Variants in DHX8 observed in about 807,000 individuals in gnomAD.
The protein encoded by DHX8 is ATP-dependent RNA helicase DHX8.
Under a neutral mutation model 140.7 loss-of-function variants are expected in DHX8, and 67 were observed. That is an observed-to-expected ratio of 0.48 (90% CI 0.39 to 0.58). The LOEUF (loss-of-function observed/expected upper bound fraction) is 0.58, where lower values mean the gene tolerates loss of function less well. Among genes scored for constraint, DHX8 ranks in the 20% least tolerant of loss-of-function variants. DHX8 has a pLI of 0.00. For synonymous variants in DHX8, 533 were observed against 553.2 expected, an observed-to-expected ratio of 0.96 and a Z score of 0.51; for missense variants, 887 against 1,550.7, an observed-to-expected ratio of 0.57 and a Z score of 7.19.
downstream of DHX8, chr17:43,529,167 GGAGCGAGC>G (rs1567705436): frequency 6.2e-7 from 1 of 1,613,806 alleles, no homozygotes; most frequent in Admixed American, 1.7e-5. Context: ...TAATAGTATC[GGAGCGAGC>G]GGCTCAGCTT....
chr17:43,508,231 T>C (rs1200135301), intron 15 of DHX8, 108 bp from the exon 16 acceptor site: 17 of 1,419,640 alleles, frequency 1.2e-5, no homozygotes, highest in Non-Finnish European at 1.3e-5. Context: ...GGTCAGAATA[T>C]GAATGCATAT....
At chr17:43,518,377 A>C (rs1313589308) in intron 18 of DHX8, 1 of 152,154 alleles carries the variant, frequency 6.6e-6, no homozygotes, top group Admixed American at 6.5e-5. Context: ...AATGTATTGA[A>C]CACATGCTAC....
chr17:43,530,959 G>C (rs1970898720), downstream of DHX8, among the ~76,000 whole-genome samples: 1 of 152,108 alleles, frequency 6.6e-6, no homozygotes, highest in Non-Finnish European at 1.5e-5. Flanking sequence ...GAGTAGCTGG[G>C]GGGAGGGGCA....
At chr17:43,517,455 C>A in intron 18 of DHX8, 133 bp downstream of exon 18, 2 of 1,066,878 alleles carry the variant, frequency 1.9e-6, no homozygotes, top group East Asian at 2.8e-5. Flanking sequence ...GAGTGAAATG[C>A]AAATGGCTGT....
intron 9 of DHX8, among the ~76,000 whole-genome samples, chr17:43,497,596 AG>A (rs1342083809): frequency 6.6e-6 from 1 of 152,088 alleles, no homozygotes; most frequent in Non-Finnish European, 1.5e-5. Flanking sequence ...TCTTTACAAA[AG>A]AAAAAAAATT....
rs1567698294 is a variant in DHX8 at position 43,520,617 on chromosome 17, A to T, written c.2938-134A>T. The T allele has an allele frequency of 7.9e-6, 8 of 1,017,438 alleles. No homozygotes were observed. The South Asian group carries it at 1.2e-4, about 15-fold the overall frequency. The allele number at this position is 1,017,438 out of a possible 1,614,324, so 63.0% of individuals were successfully genotyped here. ...ATAAACAACAGCATTCTTCTGATAG[A>T]GAAAGGCATCCCAAGGCATCATTAT... On this transcript the variant is annotated intron_variant, in intron 19 of 22. Transcript: ENST00000262415.
chr17:43,489,194 G>A (rs552780034), intron 1 of DHX8, among the ~76,000 whole-genome samples: 112 of 152,046 alleles, frequency 7.4e-4, no homozygotes, highest in African/African-American at 2.4e-3. Context: ...TAATAGAGAC[G>A]GGGTTTCACT....
intron 3 of DHX8, among the ~76,000 whole-genome samples, chr17:43,540,076 A>G (rs1052922386): frequency 3.3e-5 from 5 of 152,236 alleles, no homozygotes; most frequent in African/African-American, 1.2e-4. Flanking sequence ...CAGCCAGCAC[A>G]CATCTTTTCA....
Position 43,493,564 on chromosome 17 carries a change from G to A in DHX8, c.983G>A (p.Gly328Glu). 6.2e-7 allele frequency: 1 copy of A among 1,614,152 alleles called. No homozygotes were observed. The highest frequency in any genetic ancestry group is 1.1e-5 in the South Asian group (1 of 91,088). ...RVKVKVLSFT[G>E]TKTSLSMKDV... is the part of the protein sequence containing the mutation. ...AAAGTCAAAGTGCTGTCCTTCACTGGGACCAAGACCAGCCTGAGCATGAAG... is the reference window on the plus strand; with the variant it reads ...AAAGTCAAAGTGCTGTCCTTCACTGAGACCAAGACCAGCCTGAGCATGAAG... Residue 328 changes from glycine to glutamate, a missense_variant, in exon 7 of 23, where the codon GGG becomes GAG. Physicochemically the swap from Gly to Glu is moderately conservative, Grantham distance 98. Transcript: ENST00000262415.
At chr17:43,494,243 T>G (rs1335397086) in intron 8 of DHX8, among the ~76,000 whole-genome samples, 1 of 152,176 alleles carries the variant, frequency 6.6e-6, no homozygotes, top group Non-Finnish European at 1.5e-5. Context: ...GCCTCCATGA[T>G]TCAGTTACCG....
At chr17:43,531,455 C>T (rs1970932864), downstream of DHX8, among the ~76,000 whole-genome samples, 1 of 152,178 alleles carries the variant, frequency 6.6e-6, no homozygotes, top group Non-Finnish European at 1.5e-5. Context: ...CCAGGGCATA[C>T]ATCAATTGGG....
rs554725761 is a variant in DHX8 at position 43,536,552 on chromosome 17, C to A, written c.*20+54C>A. Reference sequence around the variant, plus strand: ...CCCTGGGAGGCTCCATTATTACAGCCCTGCAGATTAGCAACAGCCAAGAAA... The same window carrying A: ...CCCTGGGAGGCTCCATTATTACAGCACTGCAGATTAGCAACAGCCAAGAAA... On this transcript the variant is annotated intron_variant, in intron 3 of 3. Coordinates refer to the DHX8 transcript ENST00000589898. 5.9e-6 allele frequency: 8 copies of A among 1,356,746 alleles called. No individual in the cohort carries two copies. The African/African-American group carries it at 1.1e-4, about 19-fold the overall frequency. 84.0% of individuals were successfully genotyped at this position (1,356,746 alleles called of 1,614,324 possible).
rs141658391 is a variant in DHX8 at position 43,533,285 on chromosome 17, C to T, written c.351-3127C>T. 1.5e-5 allele frequency: 24 copies of T among 1,613,720 alleles called. No homozygotes were observed. The African/African-American group carries it at 1.9e-4, about 13-fold the overall frequency. On this transcript the variant is annotated intron_variant, in intron 2 of 3. Transcript: ENST00000589898. Reference sequence around the variant, plus strand: ...CTGCCCGGGGAAAGGGCTGTAGGGGCGACTGTCCAAGGGCACCAGGGGCAG... The same window carrying T: ...CTGCCCGGGGAAAGGGCTGTAGGGGTGACTGTCCAAGGGCACCAGGGGCAG...
At chr17:43,521,981 A>T in intron 21 of DHX8, 66 bp from the exon 22 acceptor site, 1 of 1,543,770 alleles carries the variant, frequency 6.5e-7, no homozygotes, top group Non-Finnish European at 8.9e-7. Context: ...TGTGTTGGGC[A>T]CTGTCATTGT....
chr17:43,533,966 G>C (rs768366916), intron 2 of DHX8: 17 of 1,538,994 alleles, frequency 1.1e-5, no homozygotes, highest in Middle Eastern at 1.7e-4. Flanking sequence ...TGATCCTGGT[G>C]GTGGGGCTGT....
At chr17:43,508,591 T>C (rs1341082788) in intron 16 of DHX8, 71 bp downstream of exon 16, 2 of 1,083,486 alleles carry the variant, frequency 1.8e-6, no homozygotes, top group African/African-American at 3.2e-5. Context: ...TCAGCCATAG[T>C]AGGGATTGCT....
intron 4 of DHX8, 70 bp from the exon 5 acceptor site, chr17:43,492,113 A>G (rs1207690979): frequency 2.9e-6 from 3 of 1,027,286 alleles, no homozygotes; most frequent in African/African-American, 3.1e-5. Flanking sequence ...TGATTTATAG[A>G]TGTACCTGAG....
chr17:43,528,564 A>T, downstream of DHX8: 1 of 1,613,686 alleles, frequency 6.2e-7, no homozygotes. Flanking sequence ...GGGCGGGGCC[A>T]GCCAGCTCTG....
At position 43,521,520 on chromosome 17, in the gene DHX8, G is replaced by A. The variant is rs371251123; in HGVS notation, c.3218G>A (p.Arg1073His). ...AACTTTATCCAGGCTCGTTCCCTGC[G>A]CCGGGCCCAGGACATTCGCAAGCAG... Reference protein sequence around the residue: ...YENFIQARSLRRAQDIRKQML... With the variant: ...YENFIQARSLHRAQDIRKQML... The change falls in exon 21 of 23, where the codon CGC becomes CAC. Residue 1073 changes from arginine to histidine, a missense_variant. This residue lies in a region of DHX8 where 101 missense variants were observed against 168.2 expected (regional missense o/e 0.60). Coordinates refer to ENST00000262415, the MANE Select transcript of DHX8 (RefSeq NM_004941.3). 3 of 1,613,662 alleles carry A rather than the reference G, an allele frequency of 1.9e-6. No homozygotes were observed. The highest frequency in any genetic ancestry group is 2.5e-6 in the Non-Finnish European group (3 of 1,179,908).
Sources: allele counts gnomAD v4.1 joint callset (sites outside exome capture counted in the v4.1 genomes callset), GRCh38; gene constraint gnomAD v4.1.1; regional missense constraint gnomAD v4.1.1; transcripts MANE v1.5; gene names NCBI Gene and HGNC (gene_info 2026-07-23, HGNC 2026-07-21).